The following EXOSC4 variants were observed in gnomAD, a reference collection of about 807,000 sequenced individuals.
EXOSC4 encodes exosome component 4.
A neutral mutation model predicts 20.0 loss-of-function variants in EXOSC4; 14 were observed. That is an observed-to-expected ratio of 0.70 (90% CI 0.46 to 1.09). EXOSC4 has a LOEUF of 1.09. Ranked by LOEUF, EXOSC4 falls within the 50% of genes least tolerant of loss-of-function variation. The probability of loss-of-function intolerance (pLI) is 0.00; values close to 1 mark genes in which losing one functional copy is unlikely to be tolerated. For missense variants in EXOSC4, 337 were observed against 334.0 expected (o/e 1.01, Z -0.07); for synonymous variants, 148 against 146.4 (o/e 1.01, Z -0.08).
At chr8:144,075,466 T>C (rs183580789), upstream of EXOSC4, among the ~76,000 whole-genome samples, 85 of 152,312 alleles carry the variant, frequency 5.6e-4, no homozygotes, top group African/African-American at 2.0e-3. Flanking sequence ...GACCTCGTGA[T>C]CTGCCCGCCT....
At chr8:144,065,545 A>G in the EXOSC4 span, among the ~76,000 whole-genome samples, 1 of 152,020 alleles carries the variant, frequency 6.6e-6, no homozygotes, top group Non-Finnish European at 1.5e-5. Flanking sequence ...CCTGGCCAAC[A>G]TGGTGAAACC....
chr8:144,076,260 C>T (rs763999696), upstream of EXOSC4, among the ~76,000 whole-genome samples: 2 of 152,220 alleles, frequency 1.3e-5, no homozygotes, highest in Non-Finnish European at 2.9e-5. Flanking sequence ...ACGTGGCCAG[C>T]TCACGCCTGA....
upstream of EXOSC4, among the ~76,000 whole-genome samples, chr8:144,075,632 C>T (rs1469186244): frequency 5.3e-5 from 8 of 152,276 alleles, no homozygotes; most frequent in African/African-American, 1.9e-4. Context: ...CTCTGCCTCC[C>T]AAAAGTGCTG....
chr8:144,079,934 C>T lies in EXOSC4; in HGVS notation c.172-9C>T. 1 of 1,613,810 alleles carries T rather than the reference C, an allele frequency of 6.2e-7. No individual in the cohort carries two copies. The highest frequency in any genetic ancestry group is 1.1e-5 in the South Asian group (1 of 91,068). On this transcript the variant is annotated splice_polypyrimidine_tract_variant and intron_variant, in intron 1 of 2. Coordinates refer to ENST00000316052, the MANE Select transcript of EXOSC4 (RefSeq NM_019037.3). ...AGTGGGCCTGGCTCATGTGTCTGTC[C>T]TCTTCCAGATCCGGGGCTCCCGGGC...
chr8:144,068,061 C>A, the EXOSC4 span, among the ~76,000 whole-genome samples: 2 of 152,316 alleles, frequency 1.3e-5, no homozygotes, highest in Middle Eastern at 3.4e-3. Flanking sequence ...CTCTGCTGCA[C>A]CATTTGACGC....
rs528426689 is a variant in EXOSC4, at chr8:144,080,469, T to C, written c.606T>C (p.Asp202=). Residue 202 remains aspartate, a synonymous_variant, in exon 3 of 3, where the codon GAT becomes GAC. Transcript: ENST00000316052. This position sits in a 1 kb window ranked among gnomAD's most constrained non-coding sequence, Gnocchi z 4.9. ...ASGQIALLEM[D]ARLHEDHLER... ...GACAGATTGCGCTGCTTGAGATGGA[T>C]GCCCGGCTGCACGAGGACCACCTGG... The C allele has an allele frequency of 2.5e-6, 4 of 1,608,588 alleles. No individual in the cohort carries two copies. Among genetic ancestry groups the C allele is most frequent in the Non-Finnish European group, 3.4e-6 (4 of 1,180,006 alleles).
chr8:144,071,453 G>A, the EXOSC4 span, among the ~76,000 whole-genome samples: 36 of 149,038 alleles, frequency 2.4e-4, no homozygotes, highest in Admixed American at 1.3e-3. Flanking sequence ...TTACAGGTGC[G>A]TGCCACCACA....
the EXOSC4 span, among the ~76,000 whole-genome samples, chr8:144,065,591 T>C: frequency 6.6e-6 from 1 of 151,066 alleles, no homozygotes; most frequent in Non-Finnish European, 1.5e-5. Context: ...AAAAATTAGC[T>C]GGCCGCGATG....
At chr8:144,067,858 T>C in the EXOSC4 span, among the ~76,000 whole-genome samples, 1 of 152,142 alleles carries the variant, frequency 6.6e-6, no homozygotes, top group Non-Finnish European at 1.5e-5. Context: ...ATACATAAAT[T>C]AGCCGGGCAT....
chr8:144,079,767 G>T (rs1300710633), intron 1 of EXOSC4, 176 bp from the exon 2 acceptor site: 1 of 743,880 alleles, frequency 1.3e-6, no homozygotes, highest in Non-Finnish European at 2.4e-6. Flanking sequence ...CAATTAAAAG[G>T]TGCCAGAGGG....
At chr8:144,075,602 G>A (rs1168437333), upstream of EXOSC4, among the ~76,000 whole-genome samples, 2 of 152,080 alleles carry the variant, frequency 1.3e-5, no homozygotes, top group Non-Finnish European at 2.9e-5. Flanking sequence ...TGAACTCCTA[G>A]GCTCAAGTGA....
chr8:144,066,166 G>A, the EXOSC4 span, among the ~76,000 whole-genome samples: 4 of 151,754 alleles, frequency 2.6e-5, no homozygotes, highest in Non-Finnish European at 4.4e-5. Flanking sequence ...ACAGGTGCCC[G>A]CCACCACACC....
At chr8:144,067,896 C>T in the EXOSC4 span, among the ~76,000 whole-genome samples, 4 of 152,188 alleles carry the variant, frequency 2.6e-5, no homozygotes, top group South Asian at 4.1e-4. Context: ...ATCCCAGCTA[C>T]TTGGGAGGCT....
chr8:144,067,358 T>A, the EXOSC4 span, among the ~76,000 whole-genome samples: 1 of 152,100 alleles, frequency 6.6e-6, no homozygotes, highest in Non-Finnish European at 1.5e-5. Context: ...AAAGGATGGG[T>A]CTCTTTCCAG....
chr8:144,073,385 C>CA, the EXOSC4 span, among the ~76,000 whole-genome samples: 1 of 152,008 alleles, frequency 6.6e-6, no homozygotes, highest in Non-Finnish European at 1.5e-5. Flanking sequence ...GATTCCTTCT[C>CA]AAAAAACAAT....
At chr8:144,079,608 T>C (rs1835874921) in intron 1 of EXOSC4, 1 of 432,612 alleles carries the variant, frequency 2.3e-6, no homozygotes, top group Non-Finnish European at 4.4e-6. Flanking sequence ...TTTTGTAGAG[T>C]AGGGAAATGA....
chr8:144,079,902 T>C (rs1470638168), intron 1 of EXOSC4, 41 bp from the exon 2 acceptor site: 1 of 1,591,536 alleles, frequency 6.3e-7, no homozygotes, highest in Admixed American at 1.7e-5. Context: ...GAGTGTGAGC[T>C]GGAAGGAGTG....
chr8:144,080,341 T>G lies in EXOSC4; in HGVS notation c.478T>G (p.Cys160Gly). ...ACCCATGAGAGACTTTGTGTGTGCGTGCTCAGCTGGCTTCGTGGACGGCAC... is the reference window on the plus strand; with the variant it reads ...ACCCATGAGAGACTTTGTGTGTGCGGGCTCAGCTGGCTTCGTGGACGGCAC... ...GIPMRDFVCA[C>G]SAGFVDGTAL... Residue 160 changes from cysteine to glycine, a missense_variant, in exon 3 of 3, where the codon TGC becomes GGC. By Grantham distance (159) the Cys-to-Gly change is radical. Transcript: ENST00000316052. This position sits in a 1 kb window ranked among gnomAD's most constrained non-coding sequence, Gnocchi z 4.9. The G allele has an allele frequency of 6.2e-7, 1 of 1,613,476 alleles. No individual in the cohort carries two copies. The highest frequency in any genetic ancestry group is 1.1e-5 in the South Asian group (1 of 91,086).
chr8:144,067,490 G>C, the EXOSC4 span, among the ~76,000 whole-genome samples: 4 of 152,250 alleles, frequency 2.6e-5, no homozygotes, highest in East Asian at 7.7e-4. Flanking sequence ...AAAAATACTG[G>C]AAAGCAAAGA....
Sources: allele counts gnomAD v4.1 joint callset (sites outside exome capture counted in the v4.1 genomes callset), GRCh38; gene constraint gnomAD v4.1.1; non-coding constraint Gnocchi (gnomAD v3.1); transcripts MANE v1.5; gene names NCBI Gene and HGNC (gene_info 2026-07-23, HGNC 2026-07-21).